CNTNAP2: variants seen among roughly 807,000 people sequenced by gnomAD.
The protein encoded by CNTNAP2 is contactin-associated protein-like 2.
A neutral mutation model predicts 155.2 loss-of-function variants in CNTNAP2; 98 were observed. That is an observed-to-expected ratio of 0.63 (90% CI 0.54 to 0.75). The LOEUF (loss-of-function observed/expected upper bound fraction) is 0.75. CNTNAP2 is among the 30% of genes least tolerant of loss of function. CNTNAP2 has a pLI of 0.00. For missense variants in CNTNAP2, 1,727 were observed against 1,688.1 expected, an observed-to-expected ratio of 1.02 and a Z score of -0.40; for synonymous variants, 651 against 631.2, an observed-to-expected ratio of 1.03 and a Z score of -0.47.
At chr7:147,201,214 G>A (rs1241554471) in intron 8 of CNTNAP2, among the ~76,000 whole-genome samples, 1 of 152,148 alleles carries the variant, frequency 6.6e-6, no homozygotes, top group African/African-American at 2.4e-5. Flanking sequence ...TCTGAATAAT[G>A]AACACAATAA....
chr7:148,188,264 A>G (rs936859466), intron 18 of CNTNAP2, among the ~76,000 whole-genome samples: 1 of 152,176 alleles, frequency 6.6e-6, no homozygotes, highest in Non-Finnish European at 1.5e-5. Flanking sequence ...TTGAATCAGT[A>G]GGAGTGGGTC....
intron 3 of CNTNAP2, among the ~76,000 whole-genome samples, chr7:146,915,689 C>T (rs1429355545): frequency 6.6e-6 from 1 of 152,168 alleles, no homozygotes; most frequent in Non-Finnish European, 1.5e-5. Context: ...TGAAACTTTG[C>T]TGAATTCATC....
At chr7:146,737,401 T>A (rs1363553233) in intron 1 of CNTNAP2, among the ~76,000 whole-genome samples, 1 of 152,104 alleles carries the variant, frequency 6.6e-6, no homozygotes, top group Non-Finnish European at 1.5e-5. Flanking sequence ...AAATTTTGTA[T>A]CCTTTAATGA....
intron 4 of CNTNAP2, among the ~76,000 whole-genome samples, chr7:147,093,560 A>G (rs1164713795): frequency 6.6e-6 from 1 of 152,188 alleles, no homozygotes; most frequent in East Asian, 1.9e-4. Flanking sequence ...TTTAGGTTTC[A>G]GTGAGCCTCT....
intron 17 of CNTNAP2, among the ~76,000 whole-genome samples, chr7:148,150,330 C>T (rs1202259089): frequency 2.6e-5 from 4 of 151,780 alleles, no homozygotes; most frequent in South Asian, 2.1e-4. Context: ...AGGCGGATCA[C>T]GAGGTCAGGA....
chr7:146,679,256 G>A (rs1005125544), intron 1 of CNTNAP2, among the ~76,000 whole-genome samples: 6 of 151,874 alleles, frequency 4.0e-5, no homozygotes, highest in Admixed American at 3.3e-4. Flanking sequence ...GAGAACAGAG[G>A]CAGTGTTTGG....
rs1028736777 is a variant in CNTNAP2 at position 146,721,244 on chromosome 7, C to A, written c.98-53027C>A. 3.0e-3 allele frequency among the ~76,000 whole-genome samples: 346 copies of A among 116,406 alleles called. 15 individuals carry two copies. The highest frequency in any genetic ancestry group is 0.01 in the East Asian group (38 of 3,622). The allele number at this position is 116,406 out of a possible 152,430, so 76.4% of individuals were successfully genotyped here. A position where few individuals can be genotyped will look rare whatever the true frequency, so the allele number is the denominator to read the frequency against. On this transcript the variant is annotated intron_variant, in intron 1 of 23. Transcript: ENST00000361727. ...TATATATATTCTCTATATACTCTCT[C>A]TATATTCTCTATATACTCTCTATAT...
intron 8 of CNTNAP2, among the ~76,000 whole-genome samples, chr7:147,191,434 A>G (rs1255382286): frequency 6.6e-6 from 1 of 152,212 alleles, no homozygotes; most frequent in Non-Finnish European, 1.5e-5. Context: ...CATGGGCTTT[A>G]CAGGCTGTGC....
At chr7:147,790,502 G>A (rs1388931340) in intron 13 of CNTNAP2, among the ~76,000 whole-genome samples, 2 of 152,132 alleles carry the variant, frequency 1.3e-5, no homozygotes, top group Non-Finnish European at 2.9e-5. Flanking sequence ...AAGGAAACCT[G>A]ATTTATTGTA....
At chr7:147,465,980 T>C (rs1456275937) in intron 10 of CNTNAP2, among the ~76,000 whole-genome samples, 2 of 152,206 alleles carry the variant, frequency 1.3e-5, no homozygotes, top group African/African-American at 2.4e-5. Context: ...ATATCTACTA[T>C]AGGAGCCAAG....
chr7:148,226,552 G>C (rs956576526), intron 19 of CNTNAP2, among the ~76,000 whole-genome samples: 1 of 152,168 alleles, frequency 6.6e-6, no homozygotes, highest in Admixed American at 6.5e-5. Context: ...TTGGGCAAGC[G>C]GGCCCAAGCA....
intron 3 of CNTNAP2, among the ~76,000 whole-genome samples, chr7:146,865,552 G>A (rs1180406854): frequency 1.3e-5 from 2 of 152,090 alleles, no homozygotes; most frequent in East Asian, 3.9e-4. Flanking sequence ...ATGCAGAAGA[G>A]AATAGTCTTT....
At chr7:147,925,179 G>A (rs1383044422) in intron 14 of CNTNAP2, among the ~76,000 whole-genome samples, 2 of 149,070 alleles carry the variant, frequency 1.3e-5, no homozygotes, top group Non-Finnish European at 3.0e-5. Context: ...AGGAAGGAAG[G>A]AAGGAAGGAA....
intron 11 of CNTNAP2, among the ~76,000 whole-genome samples, chr7:147,527,245 G>A (rs529654482): frequency 5.3e-5 from 8 of 151,898 alleles, no homozygotes; most frequent in Admixed American, 2.0e-4. Context: ...GGATGGTCTC[G>A]ATCTCCTGAC....
chr7:146,989,254 T>A (rs935427713), intron 3 of CNTNAP2, among the ~76,000 whole-genome samples: 1 of 151,996 alleles, frequency 6.6e-6, no homozygotes, highest in Non-Finnish European at 1.5e-5. Context: ...TGGGATGCAA[T>A]GTACTCTTAC....
At chr7:146,318,057 C>A (rs1800939359) in intron 1 of CNTNAP2, among the ~76,000 whole-genome samples, 1 of 151,634 alleles carries the variant, frequency 6.6e-6, no homozygotes, top group Non-Finnish European at 1.5e-5. Context: ...AGGAGAATCG[C>A]TTGAACCCGG....
At chr7:148,363,400 T>G (rs553453925) in intron 21 of CNTNAP2, among the ~76,000 whole-genome samples, 57 of 152,384 alleles carry the variant, frequency 3.7e-4, no homozygotes, top group African/African-American at 1.3e-3. Flanking sequence ...GTGTATTAAA[T>G]GCACTTTTAT....
chr7:146,892,349 A>C (rs1432981792), intron 3 of CNTNAP2, among the ~76,000 whole-genome samples: 1 of 152,174 alleles, frequency 6.6e-6, no homozygotes. Context: ...CAGAGCCAAG[A>C]AACTGGTAAC....
rs1395298354 is a variant in CNTNAP2 at position 147,562,134 on chromosome 7, C to T, written c.1778-4C>T. The T allele has an allele frequency of 6.2e-7, 1 of 1,613,838 alleles. No individual in the cohort carries two copies. The highest frequency in any genetic ancestry group is 1.3e-5 in the African/African-American group (1 of 75,038). On this transcript the variant is annotated splice_region_variant and splice_polypyrimidine_tract_variant and intron_variant, in intron 11 of 23. Coordinates refer to ENST00000361727, the MANE Select transcript of CNTNAP2 (RefSeq NM_014141.6). Reference sequence around the variant, plus strand: ...GCTTATGTAGGATATTTTGTTTGTTCTAGCTATCTACGAGCCTTCCTGTGA... The same window carrying T: ...GCTTATGTAGGATATTTTGTTTGTTTTAGCTATCTACGAGCCTTCCTGTGA...
Sources: gnomAD v4.1 joint callset for allele counts (sites outside exome capture counted in the v4.1 genomes callset) on GRCh38, gnomAD v4.1.1 for gene constraint, MANE v1.5 for transcripts, NCBI Gene and HGNC (gene_info 2026-07-23, HGNC 2026-07-21) for gene names.